The following ARHGAP29 variants were observed in gnomAD, a reference collection of about 807,000 sequenced individuals.
ARHGAP29 encodes the protein rho GTPase-activating protein 29.
In ARHGAP29, 43 loss-of-function variants were observed where a neutral mutation model predicts 122.6. The observed-to-expected ratio is 0.35, with a 90% CI of 0.27 to 0.45. ARHGAP29 has a LOEUF of 0.45. ARHGAP29 is among the 20% of genes least tolerant of loss of function. ARHGAP29 has a pLI of 1.00. For synonymous variants in ARHGAP29, 506 were observed against 497.1 expected (o/e 1.02, Z -0.24); for missense variants, 1,303 against 1,477.2 (o/e 0.88, Z 1.93).
At chr1:94,196,915 T>C (rs1650511590) in intron 12 of ARHGAP29, among the ~76,000 whole-genome samples, 1 of 152,136 alleles carries the variant, frequency 6.6e-6, no homozygotes, top group Admixed American at 6.6e-5. Flanking sequence ...AAGAATTAAA[T>C]GTATCAGAAA....
chr1:94,259,149 C>A (rs529303017), intron 1 of ARHGAP29, among the ~76,000 whole-genome samples: 211 of 152,296 alleles, frequency 1.4e-3, no homozygotes, highest in African/African-American at 4.8e-3. Context: ...GCCAAATTCC[C>A]AAGTAGTCAT....
At chr1:94,275,915 G>A (rs1016555236), upstream of ARHGAP29, among the ~76,000 whole-genome samples, 2 of 151,862 alleles carry the variant, frequency 1.3e-5, no homozygotes, top group Non-Finnish European at 2.9e-5. Flanking sequence ...GGGCATTTGG[G>A]TAGAAACAGA....
At chr1:94,224,039 C>T (rs1652478613) in intron 2 of ARHGAP29, among the ~76,000 whole-genome samples, 1 of 152,106 alleles carries the variant, frequency 6.6e-6, no homozygotes, top group African/African-American at 2.4e-5. Context: ...AAACTCCTGA[C>T]CTCAGGTGAT....
rs1186091152 is a variant in ARHGAP29, at chr1:94,172,772, G to A, written c.*1097C>T. 1 of 152,284 alleles carries A rather than the reference G, an allele frequency of 6.6e-6. No individual in the cohort carries two copies. Among genetic ancestry groups the A allele is most frequent in the Non-Finnish European group, 1.5e-5 (1 of 67,958 alleles). 9.4% of individuals were successfully genotyped at this position (152,284 alleles called of 1,614,324 possible). On this transcript the variant is annotated 3_prime_UTR_variant, in exon 23 of 23. Coordinates refer to ENST00000260526, the MANE Select transcript of ARHGAP29 (RefSeq NM_004815.4). ...CCCAGAAAATAACAGGAATGTACTAGTCCTAAAAACTGGACCTTTTATAAA... is the reference window on the plus strand; with the variant it reads ...CCCAGAAAATAACAGGAATGTACTAATCCTAAAAACTGGACCTTTTATAAA...
chr1:94,190,378 T>G (rs1658328010), intron 12 of ARHGAP29: 1 of 246,934 alleles, frequency 4.0e-6, no homozygotes, highest in East Asian at 8.8e-5. Context: ...TTTTAGGAGA[T>G]GGATGTGTTT....
intron 1 of ARHGAP29, chr1:94,247,717 A>C: frequency 4.0e-6 from 3 of 758,604 alleles, no homozygotes; most frequent in Non-Finnish European, 4.8e-6. Context: ...CACCACCACC[A>C]CCACCACAGC....
chr1:94,255,279 G>A (rs1187711109), intron 1 of ARHGAP29, among the ~76,000 whole-genome samples: 2 of 152,176 alleles, frequency 1.3e-5, no homozygotes, highest in African/African-American at 4.8e-5. Context: ...GGGAGTGATG[G>A]CCATCTATCT....
rs777420154 is a variant in ARHGAP29 at position 94,205,050 on chromosome 1, A to T, written c.697+11T>A. 18 of 1,555,306 alleles carry T rather than the reference A, an allele frequency of 1.2e-5. No homozygotes were observed. In the Admixed American group the frequency reaches 3.9e-4, roughly 33 times the overall value. On this transcript the variant is annotated intron_variant, in intron 7 of 22. Transcript: ENST00000260526. Reference sequence around the variant, plus strand: ...TATACTCTAAATCAGATGCTTTAAAAGGCAACTCACCCAAGTTAAGCTTTT... The same window carrying T: ...TATACTCTAAATCAGATGCTTTAAATGGCAACTCACCCAAGTTAAGCTTTT...
At chr1:94,220,413 A>T in intron 2 of ARHGAP29, 21 bp from the exon 3 acceptor site, 1 of 1,548,374 alleles carries the variant, frequency 6.5e-7, no homozygotes, top group Non-Finnish European at 8.7e-7. Flanking sequence ...AAAAAAAAAT[A>T]ATTTATTTCC....
chr1:94,238,413 G>GA (rs527812500), upstream of ARHGAP29, among the ~76,000 whole-genome samples: 13 of 147,510 alleles, frequency 8.8e-5, no homozygotes, highest in African/African-American at 2.0e-4. Flanking sequence ...ATAATGAGAA[G>GA]AAAAAAAAAA....
chr1:94,276,056 G>A (rs1016900668), upstream of ARHGAP29, among the ~76,000 whole-genome samples: 3 of 151,994 alleles, frequency 2.0e-5, no homozygotes, highest in Admixed American at 2.0e-4. Context: ...CCAGGAGTTC[G>A]AGACAAGCCT....
At chr1:94,251,392 G>T (rs1402068005) in intron 1 of ARHGAP29, among the ~76,000 whole-genome samples, 1 of 151,718 alleles carries the variant, frequency 6.6e-6, no homozygotes, top group African/African-American at 2.4e-5. Flanking sequence ...GATGGTCTCG[G>T]CCCCCCAAAG....
At chr1:94,264,160 T>C (rs1402857173) in intron 1 of ARHGAP29, among the ~76,000 whole-genome samples, 2 of 152,228 alleles carry the variant, frequency 1.3e-5, no homozygotes, top group Non-Finnish European at 2.9e-5. Context: ...ATATTGGCAG[T>C]AGCTGTAGTG....
At chr1:94,190,433 C>G (rs953505084) in intron 12 of ARHGAP29, 1 of 170,668 alleles carries the variant, frequency 5.9e-6, no homozygotes, top group South Asian at 1.9e-4. Context: ...ATCACAACTG[C>G]CTAAGAGAAA....
Position 94,255,207 on chromosome 1 carries a change from G to A in ARHGAP29, c.-33+19805C>T, listed in dbSNP as rs372272990. ...ATGCAGCCCCTAGCCAATGACAAGT[G>A]TCTTTACAAGAAGAGGTGATTAGGA... On this transcript the variant is annotated intron_variant and NMD_transcript_variant, in intron 1 of 25. Coordinates refer to the ARHGAP29 transcript ENST00000552844. Among the ~76,000 whole-genome samples the A allele has an allele frequency of 1.8e-4, 28 of 152,310 alleles. No homozygotes were observed. In the South Asian group the frequency reaches 3.3e-3, roughly 18 times the overall value.
chr1:94,174,078 C>T lies in ARHGAP29; in HGVS notation c.3577G>A (p.Gly1193Ser). The change falls in exon 23 of 23, where the codon GGC (glycine) becomes AGC (serine). Residue 1193 changes from glycine (G) to serine (S), a missense_variant. Physicochemically the swap from Gly to Ser is moderately conservative, Grantham distance 56 (BLOSUM62 0). Transcript: ENST00000260526. ...PASPSAAVPP[G>S]TDHDPHGLVV... is the part of the protein sequence containing the mutation. ...AGACCGTGGGGATCGTGATCTGTGC[C>T]AGGAGGCACTGCTGCTGAGGGTGAA... 1 of 1,614,186 alleles carries T rather than the reference C, an allele frequency of 6.2e-7. No individual in the cohort carries two copies. The highest frequency in any genetic ancestry group is 8.5e-7 in the Non-Finnish European group (1 of 1,180,036).
intron 12 of ARHGAP29, among the ~76,000 whole-genome samples, chr1:94,196,358 T>A (rs917674304): frequency 5.5e-4 from 75 of 136,910 alleles, no homozygotes; most frequent in Non-Finnish European, 5.1e-4. Flanking sequence ...ACCTCCCGGG[T>A]TCACGCCATT....
At chr1:94,218,913 C>A (rs1292564719) in intron 3 of ARHGAP29, among the ~76,000 whole-genome samples, 1 of 152,144 alleles carries the variant, frequency 6.6e-6, no homozygotes, top group Non-Finnish European at 1.5e-5. Context: ...TGATCCTGTT[C>A]ACCAATCTCA....
Position 94,237,441 on chromosome 1 carries a change from C to G in ARHGAP29, c.-59G>C, listed in dbSNP as rs924788162. ...ACGGCGCTCCATCTCGCGTGCCGGA[C>G]GCGGACGCCCGCCCCACACCTACGG... is the stretch of plus-strand genomic sequence containing the variant. On this transcript the variant is annotated 5_prime_UTR_variant, in exon 1 of 23. Transcript: ENST00000260526. 1.0e-6 allele frequency: 1 copy of G among 986,998 alleles called. No homozygotes were observed. Among genetic ancestry groups the G allele is most frequent in the East Asian group, 1.1e-4 (1 of 8,854 alleles). The allele number at this position is 986,998 out of a possible 1,614,324, so 61.1% of individuals were successfully genotyped here. A position where few individuals can be genotyped will look rare whatever the true frequency, so the allele number is the denominator to read the frequency against.
Sources: gnomAD v4.1 joint callset for allele counts (sites outside exome capture counted in the v4.1 genomes callset) on GRCh38, gnomAD v4.1.1 for gene constraint, MANE v1.5 for transcripts, NCBI Gene and HGNC (gene_info 2026-07-23, HGNC 2026-07-21) for gene names.